The following ARFGEF1 variants were observed in gnomAD, a reference collection of about 807,000 sequenced individuals.
ARFGEF1 encodes the protein brefeldin A-inhibited guanine nucleotide-exchange protein 1.
A neutral mutation model predicts 231.0 loss-of-function variants in ARFGEF1; 42 were observed. The observed-to-expected ratio is 0.18, with a 90% CI of 0.14 to 0.24. The LOEUF (loss-of-function observed/expected upper bound fraction) is 0.24, where lower values mean the gene tolerates loss of function less well. ARFGEF1 is among the 10% of genes least tolerant of loss of function. ARFGEF1 has a pLI of 1.00. For missense variants in ARFGEF1, 1,345 were observed against 2,192.0 expected (o/e 0.61, Z 7.72); for synonymous variants, 710 against 732.3 (o/e 0.97, Z 0.49).
chr8:67,277,229 TAA>T, intron 8 of ARFGEF1, 51 bp downstream of exon 8: 1 of 1,570,524 alleles, frequency 6.4e-7, no homozygotes, highest in Admixed American at 1.8e-5. Flanking sequence ...TGGTAGCCTA[TAA>T]ATTTGTAAGA....
At chr8:67,241,743 G>A (rs1839935808) in intron 19 of ARFGEF1, among the ~76,000 whole-genome samples, 1 of 152,064 alleles carries the variant, frequency 6.6e-6, no homozygotes, top group Non-Finnish European at 1.5e-5. Context: ...ACCTTCATAA[G>A]AACCGAGAAA....
intron 29 of ARFGEF1, 91 bp from the exon 30 acceptor site, chr8:67,219,651 C>T: frequency 7.3e-7 from 1 of 1,370,794 alleles, no homozygotes; most frequent in Non-Finnish European, 9.8e-7. Flanking sequence ...CAGTTAAAAA[C>T]AGAAAGCTTA....
At chr8:67,236,317 CAAAA>C (rs1170379472) in intron 22 of ARFGEF1, among the ~76,000 whole-genome samples, 1,437 of 12,060 alleles carry the variant, frequency 0.12, 36 homozygotes, top group Middle Eastern at 0.33. Flanking sequence ...GACTGTGACT[CAAAA>C]AAAAAAAAAA....
At chr8:67,292,200 T>C (rs557330399) in intron 5 of ARFGEF1, 77 bp from the exon 6 acceptor site, 2 of 1,287,718 alleles carry the variant, frequency 1.6e-6, no homozygotes, top group African/African-American at 1.5e-5. Flanking sequence ...CCTCCAACAA[T>C]CCTTTCTATA....
intron 5 of ARFGEF1, among the ~76,000 whole-genome samples, chr8:67,184,744 T>TAATAATAATAATAATAATA (rs1554621539): frequency 4.2e-5 from 6 of 142,498 alleles, no homozygotes; most frequent in African/African-American, 1.6e-4. Flanking sequence ...AATAAAAAAA[T>TAATAATAATAATAATAATA]ATAATAATAA....
At chr8:67,180,453 G>A (rs113992943) in intron 5 of ARFGEF1, among the ~76,000 whole-genome samples, 2,399 of 152,222 alleles carry the variant, frequency 0.016, 66 homozygotes, top group African/African-American at 0.055. Context: ...AGGTGTATAT[G>A]GTTATAAAAG....
At chr8:67,241,587 C>A (rs1839930618) in intron 19 of ARFGEF1, among the ~76,000 whole-genome samples, 1 of 152,146 alleles carries the variant, frequency 6.6e-6, no homozygotes, top group South Asian at 2.1e-4. Flanking sequence ...ACTGTACGAA[C>A]CTTTGTGGAA....
At chr8:67,266,680 T>A (rs980713357) in intron 13 of ARFGEF1, among the ~76,000 whole-genome samples, 196 bp downstream of exon 13, 2 of 152,140 alleles carry the variant, frequency 1.3e-5, no homozygotes, top group Non-Finnish European at 2.9e-5. Flanking sequence ...TAAGAAGATT[T>A]AGAAAAAAAT....
At chr8:67,209,542 T>A (rs1838648090) in intron 34 of ARFGEF1, among the ~76,000 whole-genome samples, 1 of 152,074 alleles carries the variant, frequency 6.6e-6, no homozygotes, top group Non-Finnish European at 1.5e-5. Flanking sequence ...GCCACTGAAT[T>A]ATTATTCACT....
chr8:67,256,808 G>T (rs1840468874), intron 17 of ARFGEF1, among the ~76,000 whole-genome samples: 1 of 152,122 alleles, frequency 6.6e-6, no homozygotes, highest in Non-Finnish European at 1.5e-5. Context: ...TGAGGCAAAA[G>T]AACATTTCTA....
chr8:67,273,384 C>T (rs913388362), intron 9 of ARFGEF1, among the ~76,000 whole-genome samples: 2 of 113,838 alleles, frequency 1.8e-5, no homozygotes, highest in African/African-American at 3.5e-5. Context: ...CGGAACACAC[C>T]AAAATGCTCT....
chr8:67,331,132 T>C (rs924704853), intron 1 of ARFGEF1, among the ~76,000 whole-genome samples: 1 of 152,156 alleles, frequency 6.6e-6, no homozygotes, highest in South Asian at 2.1e-4. Context: ...ACTATACTAA[T>C]ACAAATTGAA....
rs1450728541 is a variant in ARFGEF1 at position 67,266,957 on chromosome 8, C to G, written c.1840G>C (p.Glu614Gln). Reference sequence around the variant, plus strand: ...CACTTCAAAATCGACACTAAGCATTCTAAACCTTTTTTCCTCAGGCTCAAT... The same window carrying G: ...CACTTCAAAATCGACACTAAGCATTGTAAACCTTTTTTCCTCAGGCTCAAT... ...QELSLRKKGL[E>Q]CLVSILKCMV... Residue 614 changes from glutamate (E) to glutamine (Q), a missense_variant, in exon 13 of 39, where the codon GAA becomes CAA. By Grantham distance (29) the Glu-to-Gln change is conservative. Transcript: ENST00000262215. The G allele has an allele frequency of 1.2e-6, 2 of 1,613,446 alleles. No homozygotes were observed. The highest frequency in any genetic ancestry group is 2.7e-5 in the African/African-American group (2 of 74,888).
intron 1 of ARFGEF1, among the ~76,000 whole-genome samples, chr8:67,328,223 AT>A (rs200509924): frequency 1.3e-5 from 2 of 151,636 alleles, no homozygotes; most frequent in African/African-American, 4.8e-5. Flanking sequence ...AACTGTTATA[AT>A]TTTTTTTTCC....
At position 67,240,301 on chromosome 8, in the gene ARFGEF1, T is replaced by G. The variant is rs780499035; in HGVS notation, c.2851-11A>C. The G allele has an allele frequency of 6.3e-7, 1 of 1,585,682 alleles. No homozygotes were observed. Among genetic ancestry groups the G allele is most frequent in the African/African-American group, 1.4e-5 (1 of 73,072 alleles). ...AGGCGTCCAAGCCAACTACAAAAAT[T>G]AAAAATTGTATTTTAATTAAAGATT... On this transcript the variant is annotated splice_polypyrimidine_tract_variant and intron_variant, in intron 19 of 38. Transcript: ENST00000262215.
rs1838201685 is a variant in ARFGEF1 at position 67,198,723 on chromosome 8, C to T, written c.*211G>A. 2 of 1,322,998 alleles carry T rather than the reference C, an allele frequency of 1.5e-6. No individual in the cohort carries two copies. The highest frequency in any genetic ancestry group is 3.8e-5 in the Admixed American group (1 of 26,164). 82.0% of individuals were successfully genotyped at this position (1,322,998 alleles called of 1,614,324 possible). ...AGCTGACACTGTTTAAACAGGCTTT[C>T]TGCTCAACATGAGGCCAATATAACA... On this transcript the variant is annotated 3_prime_UTR_variant, in exon 39 of 39. Coordinates refer to ENST00000262215, the MANE Select transcript of ARFGEF1 (RefSeq NM_006421.5).
chr8:67,292,137 A>C lies in ARFGEF1; in HGVS notation c.640-14T>G. The C allele has an allele frequency of 6.2e-7, 1 of 1,600,904 alleles. No individual in the cohort carries two copies. The highest frequency in any genetic ancestry group is 8.5e-7 in the Non-Finnish European group (1 of 1,173,904). Reference sequence around the variant, plus strand: ...TGCTTCCTGTAACTGGAAATAAATAAAATTTCCAATATTAGTAAAATAAGT... The same window carrying C: ...TGCTTCCTGTAACTGGAAATAAATACAATTTCCAATATTAGTAAAATAAGT... On this transcript the variant is annotated splice_polypyrimidine_tract_variant and intron_variant, in intron 5 of 38. Transcript: ENST00000262215.
chr8:67,217,467 T>C (rs1034936611), intron 32 of ARFGEF1, among the ~76,000 whole-genome samples: 20 of 152,136 alleles, frequency 1.3e-4, no homozygotes, highest in Non-Finnish European at 1.2e-4. Flanking sequence ...TTTTTTTTTT[T>C]CCAATTCAAA....
chr8:67,197,767 A>C lies in ARFGEF1; in HGVS notation c.*1167T>G. 1.0e-6 allele frequency: 1 copy of C among 985,886 alleles called. No individual in the cohort carries two copies. The allele number at this position is 985,886 out of a possible 1,614,324, so 61.1% of individuals were successfully genotyped here. On this transcript the variant is annotated 3_prime_UTR_variant, in exon 39 of 39. Transcript: ENST00000262215. ...CAGAAAGTTGTACAGAATTTTTTAC[A>C]TAGAAAACTTTACATCTGTACCATA...
Sources: allele counts gnomAD v4.1 joint callset (sites outside exome capture counted in the v4.1 genomes callset), GRCh38; gene constraint gnomAD v4.1.1; transcripts MANE v1.5; gene names NCBI Gene and HGNC (gene_info 2026-07-23, HGNC 2026-07-21).